The following NBPF15 variants were observed in gnomAD, a reference collection of about 807,000 sequenced individuals.
NBPF15 encodes NBPF member 15.
In NBPF15, 74 loss-of-function variants were observed where a neutral mutation model predicts 62.2. The observed-to-expected ratio is 1.19, with a 90% CI of 0.99 to 1.44. The LOEUF (loss-of-function observed/expected upper bound fraction) is 1.44. Ranked by LOEUF, NBPF15 falls within the 40% of genes most tolerant of loss-of-function variation. NBPF15 has a pLI of 0.00. For missense variants in NBPF15, 790 were observed against 550.0 expected (o/e 1.44, Z -4.36); for synonymous variants, 244 against 209.7 (o/e 1.16, Z -1.41).
chr1:144,457,776 T>C (rs1312524932), intron 3 of NBPF15, among the ~76,000 whole-genome samples: 1 of 151,978 alleles, frequency 6.6e-6, no homozygotes, highest in East Asian at 1.9e-4. Context: ...TCTTTTAAAT[T>C]AGAAAAACAT....
intron 6 of NBPF15, among the ~76,000 whole-genome samples, chr1:144,445,787 T>C (rs1458256204): frequency 6.6e-6 from 1 of 150,920 alleles, no homozygotes; most frequent in Non-Finnish European, 1.5e-5. Flanking sequence ...AGTTCTTTCA[T>C]AATTTCTCAA....
chr1:144,432,208 A>T (rs1373191948), intron 13 of NBPF15, among the ~76,000 whole-genome samples: 2 of 152,104 alleles, frequency 1.3e-5, no homozygotes, highest in South Asian at 2.1e-4. Context: ...CCAGCCAAAC[A>T]AAGCTTCATA....
At position 144,424,019 on chromosome 1, in the gene NBPF15, C is replaced by T. The variant is rs1667708325; in HGVS notation, c.1664-44G>A. On this transcript the variant is annotated intron_variant, in intron 20 of 21. Coordinates refer to ENST00000581897, the MANE Select transcript of NBPF15 (RefSeq NM_001385408.1). ...TGGACAGACACATTAAGCTGATTCCCCTACACATATAACAATCCACTGTCT... is the reference window on the plus strand; with the variant it reads ...TGGACAGACACATTAAGCTGATTCCTCTACACATATAACAATCCACTGTCT... 3 of 761,986 alleles carry T rather than the reference C, an allele frequency of 3.9e-6. No homozygotes were observed. In the African/African-American group the frequency reaches 5.1e-5, roughly 13 times the overall value. The allele number at this position is 761,986 out of a possible 1,614,324, so 47.2% of individuals were successfully genotyped here. A position where few individuals can be genotyped will look rare whatever the true frequency, so the allele number is the denominator to read the frequency against.
Position 144,439,936 on chromosome 1 carries a change from T to G in NBPF15, c.68A>C (p.Lys23Thr), listed in dbSNP as rs1283264332. 6 of 1,611,180 alleles carry G rather than the reference T, an allele frequency of 3.7e-6. No individual in the cohort carries two copies. Among genetic ancestry groups the G allele is most frequent in the Non-Finnish European group, 5.1e-6 (6 of 1,178,962 alleles). The change falls in exon 8 of 22, where the codon AAA becomes ACA. Residue 23 changes from lysine (K) to threonine (T), a missense_variant. Transcript: ENST00000581897. ...CTTCTCTGCCAACTGGGGGCGCAAT[T>G]TCTCATTGATTTCTAGAATGTTCAT... ...AEMNILEINE[K>T]LRPQLAEKKQ...
In NBPF15 at chr1:144,435,780, C is replaced by A; in HGVS notation, c.566+1G>T. 1.2e-6 allele frequency: 1 copy of A among 853,452 alleles called. No homozygotes were observed. The highest frequency in any genetic ancestry group is 1.3e-5 in the South Asian group (1 of 76,194). 52.9% of individuals were successfully genotyped at this position (853,452 alleles called of 1,614,324 possible). A position where few individuals can be genotyped will look rare whatever the true frequency, so the allele number is the denominator to read the frequency against. On this transcript the variant is annotated splice_donor_variant, in intron 11 of 21. Transcript: ENST00000581897. LOFTEE classifies it high-confidence loss of function. ...AATTGTTCCTGAGTATTCAGTGTTA[C>A]CTGGGGGCAGACGATTTCTGCACTT...
At chr1:144,442,205 TATTAA>T (rs1683796432) in intron 6 of NBPF15, among the ~76,000 whole-genome samples, 1 of 99,434 alleles carries the variant, frequency 1.0e-5, no homozygotes, top group African/African-American at 5.5e-5. Context: ...GTATATATAT[TATTAA>T]TATATATAAT....
At chr1:144,432,511 G>A (rs1158896967) in intron 13 of NBPF15, among the ~76,000 whole-genome samples, 1 of 151,858 alleles carries the variant, frequency 6.6e-6, no homozygotes, top group Non-Finnish European at 1.5e-5. Flanking sequence ...AACACAGAAT[G>A]GCAAATTGGA....
chr1:144,432,198 C>G (rs1336585691), intron 13 of NBPF15, among the ~76,000 whole-genome samples: 5 of 151,994 alleles, frequency 3.3e-5, no homozygotes, highest in African/African-American at 7.3e-5. Context: ...AATTTCATAT[C>G]CAGCCAAACA....
chr1:144,444,121 G>A (rs4399216), intron 6 of NBPF15, among the ~76,000 whole-genome samples: 1 of 151,758 alleles, frequency 6.6e-6, no homozygotes, highest in Non-Finnish European at 1.5e-5. Context: ...ACTTTCACTT[G>A]TTATTGGACA....
intron 6 of NBPF15, among the ~76,000 whole-genome samples, chr1:144,446,936 C>A (rs1687977266): frequency 6.7e-6 from 1 of 148,594 alleles, no homozygotes; most frequent in African/African-American, 2.4e-5. Context: ...ACTATGGTGA[C>A]TCCAACAGGT....
intron 2 of NBPF15, among the ~76,000 whole-genome samples, chr1:144,459,774 A>C (rs1324567807): frequency 6.6e-6 from 1 of 151,842 alleles, no homozygotes; most frequent in Non-Finnish European, 1.5e-5. Flanking sequence ...ACACTGATAC[A>C]TTACTGCACC....
chr1:144,444,996 T>A (rs1686247812), intron 6 of NBPF15, among the ~76,000 whole-genome samples: 1 of 151,548 alleles, frequency 6.6e-6, no homozygotes, highest in African/African-American at 2.4e-5. Context: ...GTATAAGACT[T>A]CCAAGTGCTT....
At chr1:144,447,438 G>T (rs1688381109) in intron 6 of NBPF15, among the ~76,000 whole-genome samples, 1 of 151,824 alleles carries the variant, frequency 6.6e-6, no homozygotes, top group Non-Finnish European at 1.5e-5. Context: ...GAGGGAGAGG[G>T]AAGAAATACG....
rs1317186849 is a variant in NBPF15, at chr1:144,442,144, TA to T, written c.-190-1850del. ...ATATATACACGTGTATATATATATA[TA>T]TAATATATATACACGTGTATATATA... On this transcript the variant is annotated intron_variant, in intron 6 of 21. Coordinates refer to ENST00000581897, the MANE Select transcript of NBPF15 (RefSeq NM_001385408.1). Among the ~76,000 whole-genome samples the T allele has an allele frequency of 1.6e-3, 19 of 11,658 alleles. 1 individual carries two copies. In the East Asian group the frequency reaches 0.066, roughly 41 times the overall value. 7.6% of individuals were successfully genotyped at this position (11,658 alleles called of 152,430 possible).
At position 144,421,568 on chromosome 1, in the gene NBPF15, T is replaced by C. The variant is rs1666072149; in HGVS notation, c.*1445A>G. 1 of 150,914 alleles carries C rather than the reference T, an allele frequency of 6.6e-6. No homozygotes were observed. Among genetic ancestry groups the C allele is most frequent in the East Asian group, 1.9e-4 (1 of 5,156 alleles). 9.3% of individuals were successfully genotyped at this position (150,914 alleles called of 1,614,324 possible). On this transcript the variant is annotated 3_prime_UTR_variant, in exon 22 of 22. Transcript: ENST00000581897. ...AAAATTAAAACTCAGGCAGAGAATG[T>C]TTTCTTCTTTTTGCAACAGCAGACA...
At chr1:144,457,875 A>C (rs1649286897) in intron 3 of NBPF15, among the ~76,000 whole-genome samples, 1 of 152,012 alleles carries the variant, frequency 6.6e-6, no homozygotes, top group Non-Finnish European at 1.5e-5. Context: ...GGATCATTTG[A>C]GCCCAGGAGT....
rs1186105488 is a variant in NBPF15, at chr1:144,427,994, G to A, written c.1041-4C>T. The A allele has an allele frequency of 6.8e-6, 5 of 737,298 alleles. No homozygotes were observed. The highest frequency in any genetic ancestry group is 1.3e-5 in the Non-Finnish European group (5 of 396,768). The allele number at this position is 737,298 out of a possible 1,614,324, so 45.7% of individuals were successfully genotyped here. ...ATCCAGCAGCTCCCTGCTGAGCCTG[G>A]AAAAGTGGGAAAAAGTAAAGAATAA... On this transcript the variant is annotated splice_polypyrimidine_tract_variant and splice_region_variant and intron_variant, in intron 15 of 21. Coordinates refer to ENST00000581897, the MANE Select transcript of NBPF15 (RefSeq NM_001385408.1).
intron 4 of NBPF15, among the ~76,000 whole-genome samples, chr1:144,455,024 C>A (rs1294787158): frequency 6.9e-6 from 1 of 145,722 alleles, no homozygotes; most frequent in Non-Finnish European, 1.5e-5. Context: ...AAAGAGAGAG[C>A]ATGAGAGACA....
intron 13 of NBPF15, among the ~76,000 whole-genome samples, chr1:144,433,052 G>C: frequency 6.6e-6 from 1 of 152,024 alleles, no homozygotes; most frequent in African/African-American, 2.4e-5. Context: ...CACATAGTTG[G>C]AGGTAAAGCA....
Sources: allele counts gnomAD v4.1 joint callset (sites outside exome capture counted in the v4.1 genomes callset), GRCh38; gene constraint gnomAD v4.1.1; transcripts MANE v1.5; gene names NCBI Gene and HGNC (gene_info 2026-07-23, HGNC 2026-07-21).